TRPC4: variants seen among roughly 807,000 people sequenced by gnomAD.
TRPC4 encodes the protein short transient receptor potential channel 4.
A neutral mutation model predicts 99.4 loss-of-function variants in TRPC4; 49 were observed. That is an observed-to-expected ratio of 0.49 (90% confidence interval 0.39 to 0.63). The LOEUF is 0.63. Among genes scored for constraint, TRPC4 ranks in the 20% least tolerant of loss-of-function variants. The pLI is 0.00. For synonymous variants in TRPC4, 454 were observed against 425.9 expected, an observed-to-expected ratio of 1.07 and a Z score of -0.81; for missense variants, 898 against 1,152.9, an observed-to-expected ratio of 0.78 and a Z score of 3.20.
At chr13:37,840,439 AC>A (rs1177032248) in intron 1 of TRPC4, among the ~76,000 whole-genome samples, 3 of 152,016 alleles carry the variant, frequency 2.0e-5, no homozygotes, top group African/African-American at 4.8e-5. Flanking sequence ...GATTCCTTAG[AC>A]CCTTTTATAT....
At chr13:37,782,125 A>G (rs1159471558) in intron 2 of TRPC4, among the ~76,000 whole-genome samples, 1 of 152,082 alleles carries the variant, frequency 6.6e-6, no homozygotes, top group Non-Finnish European at 1.5e-5. Context: ...AGTGACGAGT[A>G]CAGTGTGAAA....
chr13:37,816,202 A>G (rs1957849755), intron 1 of TRPC4, among the ~76,000 whole-genome samples: 1 of 151,946 alleles, frequency 6.6e-6, no homozygotes, highest in Admixed American at 6.6e-5. Flanking sequence ...TAAAGGATTC[A>G]AGTCAACAAA....
At chr13:37,646,243 A>G (rs1951857314) in intron 8 of TRPC4, among the ~76,000 whole-genome samples, 1 of 152,220 alleles carries the variant, frequency 6.6e-6, no homozygotes, top group Non-Finnish European at 1.5e-5. Context: ...GTGATCTTCC[A>G]GAGACCATCC....
intron 3 of TRPC4, among the ~76,000 whole-genome samples, chr13:37,741,198 G>T (rs1392027180): frequency 6.6e-6 from 1 of 152,042 alleles, no homozygotes; most frequent in African/African-American, 2.4e-5. Context: ...ACTACGGAAG[G>T]TCTTTGCTGT....
intron 1 of TRPC4, among the ~76,000 whole-genome samples, chr13:37,815,343 A>C (rs78624432): frequency 0.019 from 2,826 of 152,052 alleles, 47 homozygotes; most frequent in Middle Eastern, 0.055. Flanking sequence ...TAAAGAAGAA[A>C]GACCCAGCTG....
At position 37,634,917 on chromosome 13, in the gene TRPC4, C is replaced by G. The variant is rs1384427101; in HGVS notation, c.*1986G>C. On this transcript the variant is annotated 3_prime_UTR_variant, in exon 11 of 11. Coordinates refer to ENST00000379705, the MANE Select transcript of TRPC4 (RefSeq NM_016179.4). ...TAGGCTTGTGTTTCTCCAAATCTAT[C>G]TGGCCCATTCCTAAATTCCCAAAAA... Among the ~76,000 whole-genome samples the G allele has an allele frequency of 1.3e-5, 2 of 152,022 alleles. No individual in the cohort carries two copies. Among genetic ancestry groups the G allele is most frequent in the Non-Finnish European group, 2.9e-5 (2 of 67,980 alleles).
chr13:37,767,771 C>A (rs1246981529), intron 2 of TRPC4, among the ~76,000 whole-genome samples: 2 of 151,334 alleles, frequency 1.3e-5, no homozygotes, highest in South Asian at 4.2e-4. Context: ...TTTTTTAAAT[C>A]TACCATATTC....
At chr13:37,818,055 G>A (rs1957907841) in intron 1 of TRPC4, among the ~76,000 whole-genome samples, 1 of 151,974 alleles carries the variant, frequency 6.6e-6, no homozygotes, top group African/African-American at 2.4e-5. Context: ...TTAAACTAAA[G>A]CGCTTTTGCA....
intron 6 of TRPC4, among the ~76,000 whole-genome samples, 169 bp downstream of exon 6, chr13:37,663,247 G>A (rs2957214): frequency 0.36 from 55,364 of 151,872 alleles, 10,467 homozygotes; most frequent in African/African-American, 0.41. Flanking sequence ...TTTTCCTGTC[G>A]GAAGTTTTCA....
rs1224147773 is a variant in TRPC4 at position 37,634,686 on chromosome 13, G to GA, written c.*2216dup. On this transcript the variant is annotated 3_prime_UTR_variant, in exon 11 of 11. Coordinates refer to ENST00000379705, the MANE Select transcript of TRPC4 (RefSeq NM_016179.4). ...GTTATGTATAGTGTCCTTACTTTGG[G>GA]AAAAAACAAAATAAAACAACAACGC... Among the ~76,000 whole-genome samples the GA allele has an allele frequency of 1.3e-5, 2 of 151,844 alleles. No homozygotes were observed. The highest frequency in any genetic ancestry group is 4.2e-4 in the South Asian group (2 of 4,818).
At chr13:37,669,079 A>T (rs1049754689) in intron 5 of TRPC4, among the ~76,000 whole-genome samples, 1 of 152,192 alleles carries the variant, frequency 6.6e-6, no homozygotes, top group South Asian at 2.1e-4. Context: ...AAGAAATGGG[A>T]TCTATGAGAC....
intron 1 of TRPC4, among the ~76,000 whole-genome samples, chr13:37,799,346 T>A (rs1222763249): frequency 6.6e-6 from 1 of 152,154 alleles, no homozygotes; most frequent in African/African-American, 2.4e-5. Flanking sequence ...ACTGATCTGA[T>A]TTTTCTACTA....
At chr13:37,738,076 T>C (rs1018740946) in intron 3 of TRPC4, among the ~76,000 whole-genome samples, 6 of 152,142 alleles carry the variant, frequency 3.9e-5, no homozygotes, top group African/African-American at 1.4e-4. Flanking sequence ...TACTCCTCCA[T>C]TTTAAATAGG....
In TRPC4 at chr13:37,644,371, T is replaced by A. The variant is rs535713796; in HGVS notation, c.2080-5072A>T. Among the ~76,000 whole-genome samples the A allele has an allele frequency of 5.3e-5, 8 of 152,288 alleles. No homozygotes were observed. In the East Asian group the frequency reaches 1.5e-3, roughly 29 times the overall value. ...CATTTAAAAATACCTAAGTGGGTATTTAGCTTTAATACCTAAGAAAATGGG... is the reference window on the plus strand; with the variant it reads ...CATTTAAAAATACCTAAGTGGGTATATAGCTTTAATACCTAAGAAAATGGG... On this transcript the variant is annotated intron_variant, in intron 8 of 10. Coordinates refer to ENST00000379705, the MANE Select transcript of TRPC4 (RefSeq NM_016179.4).
At chr13:37,821,505 G>A (rs1448626593) in intron 1 of TRPC4, among the ~76,000 whole-genome samples, 1 of 152,010 alleles carries the variant, frequency 6.6e-6, no homozygotes, top group Non-Finnish European at 1.5e-5. Flanking sequence ...AAATAGCCAA[G>A]GAAATCCTAA....
intron 1 of TRPC4, among the ~76,000 whole-genome samples, chr13:37,791,009 A>G (rs1392370855): frequency 6.6e-6 from 1 of 152,174 alleles, no homozygotes; most frequent in Non-Finnish European, 1.5e-5. Flanking sequence ...ATTTAAATGC[A>G]GGAAGGAATA....
chr13:37,828,788 C>T (rs1231503202), intron 1 of TRPC4, among the ~76,000 whole-genome samples: 1 of 152,096 alleles, frequency 6.6e-6, no homozygotes, highest in Non-Finnish European at 1.5e-5. Context: ...GCATGGAGTA[C>T]ATACAGAAAC....
intron 2 of TRPC4, among the ~76,000 whole-genome samples, chr13:37,750,274 T>G (rs1205121828): frequency 6.6e-6 from 1 of 152,162 alleles, no homozygotes; most frequent in African/African-American, 2.4e-5. Flanking sequence ...ATTGCTCTTA[T>G]GAAGATTTTA....
intron 2 of TRPC4, among the ~76,000 whole-genome samples, chr13:37,750,649 T>A (rs867579095): frequency 2.6e-5 from 4 of 152,230 alleles, no homozygotes; most frequent in East Asian, 1.9e-4. Flanking sequence ...TGGCAATTTT[T>A]AAAAAAATTA....
Sources: allele counts gnomAD v4.1 joint callset (sites outside exome capture counted in the v4.1 genomes callset), GRCh38; gene constraint gnomAD v4.1.1; transcripts MANE v1.5; gene names NCBI Gene and HGNC (gene_info 2026-07-23, HGNC 2026-07-21).